ANK3: variants seen among roughly 807,000 people sequenced by gnomAD.
ANK3 encodes the protein ankyrin-3.
A neutral mutation model predicts 370.9 loss-of-function variants in ANK3; 57 were observed. That is an observed-to-expected ratio of 0.15 (90% CI 0.12 to 0.19). The LOEUF is 0.19. Ranked by LOEUF, ANK3 falls within the 10% of genes least tolerant of loss-of-function variation. ANK3 has a pLI of 1.00. For missense variants in ANK3, 4,439 were observed against 5,302.1 expected, an observed-to-expected ratio of 0.84 and a Z score of 5.06; for synonymous variants, 1,929 against 1,946.3, an observed-to-expected ratio of 0.99 and a Z score of 0.23.
chr10:60,413,455 G>GAGTTACTC lies in ANK3; in HGVS notation c.97-133817_97-133816insGAGTAACT, dbSNP rs1156252877. On this transcript the variant is annotated intron_variant, in intron 2 of 43. Coordinates refer to the ANK3 transcript ENST00000373827. Reference sequence around the variant, plus strand: ...CTGACAATCTTCTCTAGTTCCCAAGGTAGTTATTGAGTAACTTCTCTTCTC... The same window carrying GAGTTACTC: ...CTGACAATCTTCTCTAGTTCCCAAGGAGTTACTCTAGTTATTGAGTAACTTCTCTTCTC... 2.0e-5 allele frequency among the ~76,000 whole-genome samples: 3 copies of GAGTTACTC among 152,114 alleles called. No individual in the cohort carries two copies. The East Asian group carries it at 5.8e-4, about 29-fold the overall frequency.
chr10:60,166,799 G>A, intron 22 of ANK3, 25 bp downstream of exon 22: 2 of 1,608,168 alleles, frequency 1.2e-6, no homozygotes, highest in Non-Finnish European at 1.7e-6. Context: ...TATAATTATT[G>A]TGAACTCAAA....
In ANK3 at chr10:60,137,530, C is replaced by A. The variant is rs1406064713; in HGVS notation, c.2738+1434G>T. 2.0e-5 allele frequency among the ~76,000 whole-genome samples: 3 copies of A among 151,934 alleles called. No homozygotes were observed. The East Asian group carries it at 5.8e-4, about 29-fold the overall frequency. ...TACTTGATAATACTCTAACAATGTG[C>A]TTAAAAATATTGGCTTTATAGATTT... On this transcript the variant is annotated intron_variant, in intron 24 of 43. Transcript: ENST00000280772.
intron 2 of ANK3, among the ~76,000 whole-genome samples, chr10:60,524,144 AC>A (rs2076414760): frequency 6.6e-6 from 1 of 152,088 alleles, no homozygotes; most frequent in Non-Finnish European, 1.5e-5. Flanking sequence ...CAGTGGTATA[AC>A]CAAAGAGTTA....
At chr10:60,167,895 C>T (rs1457385188) in intron 21 of ANK3, among the ~76,000 whole-genome samples, 2 of 152,040 alleles carry the variant, frequency 1.3e-5, no homozygotes, top group Admixed American at 6.6e-5. Flanking sequence ...TGTAATACTG[C>T]AATGGAGCAG....
intron 43 of ANK3, among the ~76,000 whole-genome samples, chr10:60,042,199 G>T (rs1487850618): frequency 6.6e-6 from 1 of 152,164 alleles, no homozygotes; most frequent in Admixed American, 6.5e-5. Context: ...ACACCAGATA[G>T]ATATGTCAGT....
intron 1 of ANK3, among the ~76,000 whole-genome samples, chr10:60,694,961 TAAAG>T: frequency 6.7e-6 from 1 of 148,524 alleles, no homozygotes; most frequent in South Asian, 2.2e-4. Flanking sequence ...GCAAATTGGA[TAAAG>T]AGTCAAGACC....
chr10:60,190,300 C>T (rs1355152443), intron 16 of ANK3, among the ~76,000 whole-genome samples: 1 of 152,076 alleles, frequency 6.6e-6, no homozygotes, highest in Non-Finnish European at 1.5e-5. Context: ...GTAATCATGC[C>T]CTATTGAGGC....
chr10:60,286,686 A>T (rs2040100638), intron 1 of ANK3, among the ~76,000 whole-genome samples: 1 of 152,182 alleles, frequency 6.6e-6, no homozygotes. Context: ...TGATTGCACC[A>T]ATTTACATTT....
chr10:60,362,791 G>A (rs796373521), intron 1 of ANK3, among the ~76,000 whole-genome samples: 3 of 152,070 alleles, frequency 2.0e-5, no homozygotes, highest in African/African-American at 7.2e-5. Context: ...TACCATGGGC[G>A]GTGATGGAGC....
At chr10:60,489,704 T>C (rs1456313898) in intron 2 of ANK3, among the ~76,000 whole-genome samples, 2 of 152,328 alleles carry the variant, frequency 1.3e-5, no homozygotes, top group East Asian at 1.9e-4. Context: ...TTTACAGTCA[T>C]ATTTGCATAA....
intron 2 of ANK3, among the ~76,000 whole-genome samples, chr10:60,485,545 C>T (rs2075327005): frequency 6.6e-6 from 1 of 152,128 alleles, no homozygotes; most frequent in East Asian, 1.9e-4. Flanking sequence ...TGGGAGAGGG[C>T]AGGAGGCAGG....
chr10:60,435,346 T>C (rs1276108754), intron 2 of ANK3, among the ~76,000 whole-genome samples: 1 of 152,196 alleles, frequency 6.6e-6, no homozygotes, highest in African/African-American at 2.4e-5. Flanking sequence ...AACTGTTGCC[T>C]TAAAAGACAA....
intron 1 of ANK3, among the ~76,000 whole-genome samples, chr10:60,379,428 G>C (rs766402061): frequency 1.4e-4 from 21 of 151,860 alleles, no homozygotes; most frequent in Non-Finnish European, 2.4e-4. Context: ...ATGTTTTTTT[G>C]CAGCACGATT....
chr10:60,098,086 C>T (rs1372426056), intron 28 of ANK3, among the ~76,000 whole-genome samples: 2 of 152,128 alleles, frequency 1.3e-5, no homozygotes, highest in African/African-American at 4.8e-5. Context: ...CTGAACTTCT[C>T]TGAGCCATAT....
chr10:60,252,584 G>A (rs187847003), intron 7 of ANK3, among the ~76,000 whole-genome samples: 9 of 152,170 alleles, frequency 5.9e-5, no homozygotes, highest in East Asian at 5.8e-4. Context: ...CACCCCAGGC[G>A]GCAGGGCACA....
chr10:60,033,976 C>A (rs950844113), intron 43 of ANK3, among the ~76,000 whole-genome samples: 17 of 151,082 alleles, frequency 1.1e-4, no homozygotes, highest in African/African-American at 3.9e-4. Context: ...GAGAGCCAGT[C>A]AAATGTTCTG....
chr10:60,115,002 TGGA>T (rs1448892820), intron 25 of ANK3, among the ~76,000 whole-genome samples: 1 of 152,100 alleles, frequency 6.6e-6, no homozygotes, highest in Non-Finnish European at 1.5e-5. Flanking sequence ...AGAGTTTTGG[TGGA>T]GATTTGGGTG....
At chr10:60,067,741 G>C (rs1462610816) in intron 38 of ANK3, among the ~76,000 whole-genome samples, 194 bp downstream of exon 38, 1 of 152,170 alleles carries the variant, frequency 6.6e-6, no homozygotes. Flanking sequence ...CATATGCATA[G>C]AAAAGGCTTT....
In ANK3 at chr10:60,396,216, T is replaced by C. The variant is rs1237340475; in HGVS notation, c.97-116577A>G. Among the ~76,000 whole-genome samples the C allele has an allele frequency of 5.3e-5, 8 of 152,136 alleles. No homozygotes were observed. The East Asian group carries it at 1.5e-3, about 29-fold the overall frequency. On this transcript the variant is annotated intron_variant, in intron 2 of 43. Coordinates refer to the ANK3 transcript ENST00000373827. ...AACAAGTGCTATGAAGAAAATAAAT[T>C]AGTATGGGTGAATTGAAAGTGACCA... is the stretch of plus-strand genomic sequence containing the variant.
Sources: gnomAD v4.1 joint callset for allele counts (sites outside exome capture counted in the v4.1 genomes callset) on GRCh38, gnomAD v4.1.1 for gene constraint, MANE v1.5 for transcripts, NCBI Gene and HGNC (gene_info 2026-07-23, HGNC 2026-07-21) for gene names.